The following PYGO1 variants were observed in gnomAD, a reference collection of about 807,000 sequenced individuals.
The protein encoded by PYGO1 is pygopus family PHD finger 1.
PYGO1 carries 6 observed loss-of-function variants against 29.5 expected under a neutral mutation model. The ratio of observed to expected loss-of-function variants is 0.20; its 90% CI spans 0.11 to 0.40. The LOEUF (loss-of-function observed/expected upper bound fraction) is 0.40, where lower values mean the gene tolerates loss of function less well. PYGO1 is among the 10% of genes least tolerant of loss of function. The pLI, the probability that PYGO1 is intolerant of heterozygous loss-of-function variation, is 1.00. For synonymous variants in PYGO1, 186 were observed against 180.5 expected, an observed-to-expected ratio of 1.03 and a Z score of -0.24; for missense variants, 515 against 514.9, an observed-to-expected ratio of 1.00 and a Z score of 0.00.
At chr15:55,579,030 TTGA>T in intron 1 of PYGO1, among the ~76,000 whole-genome samples, 1 of 152,330 alleles carries the variant, frequency 6.6e-6, no homozygotes, top group Admixed American at 6.5e-5. Flanking sequence ...TAATTTTAAT[TTGA>T]TGTTATAATC....
intron 1 of PYGO1, among the ~76,000 whole-genome samples, chr15:55,559,953 T>G (rs1018461113): frequency 6.6e-5 from 10 of 152,186 alleles, no homozygotes; most frequent in Non-Finnish European, 1.5e-5. Context: ...TCTCAGTAGA[T>G]GCAGAACAGG....
chr15:55,564,627 G>C (rs1286945790), intron 1 of PYGO1, among the ~76,000 whole-genome samples: 1 of 152,098 alleles, frequency 6.6e-6, no homozygotes, highest in African/African-American at 2.4e-5. Context: ...TGTCACAAAA[G>C]AGAGAAACAA....
intron 1 of PYGO1, among the ~76,000 whole-genome samples, chr15:55,556,545 C>A (rs149564210): frequency 2.6e-5 from 4 of 151,928 alleles, no homozygotes; most frequent in Admixed American, 1.3e-4. Flanking sequence ...TCAAAAAGCT[C>A]GAAAGATCTC....
rs117073629 is a variant in PYGO1 at position 55,544,310 on chromosome 15, C to G, written c.*1713G>C. ...AAGGTCTAACTTTTATAAAATTCAT[C>G]ATTTGTTAGGCTGTATAAATTGTTA... On this transcript the variant is annotated 3_prime_UTR_variant, in exon 3 of 3. Coordinates refer to ENST00000563719, the MANE Select transcript of PYGO1 (RefSeq NM_001367806.1). The G allele has an allele frequency of 6.6e-6, 1 of 152,146 alleles. No homozygotes were observed. Among genetic ancestry groups the G allele is most frequent in the South Asian group, 2.1e-4 (1 of 4,828 alleles). The allele number at this position is 152,146 out of a possible 1,614,324, so 9.4% of individuals were successfully genotyped here.
chr15:55,564,556 C>G (rs573853898), intron 1 of PYGO1, among the ~76,000 whole-genome samples: 1 of 152,246 alleles, frequency 6.6e-6, no homozygotes, highest in South Asian at 2.1e-4. Flanking sequence ...AGAGGTGGAG[C>G]AGATCTGCAG....
In PYGO1 at chr15:55,546,554, T is replaced by C. The variant is rs2058851814; in HGVS notation, c.729A>G (p.Gln243=). ...TTTGATTAGTGTTTTTGGTTGCTCC[T>C]TGAGTAAAGTCTTGTTTTGGGGGTG... The part of the protein sequence containing the change: ...KAPPPKQDFT[Q]GATKNTNQNS... The change falls in exon 3 of 3, where the codon CAA becomes CAG. Residue 243 remains glutamine (Q), a synonymous_variant. Transcript: ENST00000563719. 1 of 1,614,164 alleles carries C rather than the reference T, an allele frequency of 6.2e-7. No homozygotes were observed. Among genetic ancestry groups the C allele is most frequent in the Non-Finnish European group, 8.5e-7 (1 of 1,180,020 alleles).
rs34019561 is a variant in PYGO1, at chr15:55,562,670, CAA to C, written c.50-13677_50-13676del. On this transcript the variant is annotated intron_variant, in intron 1 of 2. Coordinates refer to ENST00000563719, the MANE Select transcript of PYGO1 (RefSeq NM_001367806.1). ...TGGGTGACAGAGCAAGACTCCAACT[CAA>C]AAAAAAAAAAGAAAAATCCACACAT... 3.7e-3 allele frequency among the ~76,000 whole-genome samples: 550 copies of C among 148,842 alleles called. 3 individuals carry two copies. Among genetic ancestry groups the C allele is most frequent in the Middle Eastern group, 0.017 (5 of 294 alleles).
rs766976749 is a variant in PYGO1 at position 55,544,053 on chromosome 15, T to C, written c.*1970A>G. The stretch of plus-strand genomic sequence containing the variant: ...AAGGAGTACCTAGAAGTATAGTTTA[T>C]ATCATTTTGTTTCCTAAAATTGTAA... On this transcript the variant is annotated 3_prime_UTR_variant, in exon 3 of 3. Transcript: ENST00000563719. 5 of 152,196 alleles carry C rather than the reference T, an allele frequency of 3.3e-5. No homozygotes were observed. Among genetic ancestry groups the C allele is most frequent in the African/African-American group, 4.8e-5 (2 of 41,456 alleles). The allele number at this position is 152,196 out of a possible 1,614,324, so 9.4% of individuals were successfully genotyped here.
chr15:55,556,750 C>A (rs1393447132), intron 1 of PYGO1, among the ~76,000 whole-genome samples: 2 of 150,434 alleles, frequency 1.3e-5, no homozygotes, highest in African/African-American at 4.9e-5. Context: ...AGACTGCTAG[C>A]TAGACTAATA....
intron 1 of PYGO1, among the ~76,000 whole-genome samples, chr15:55,554,027 C>T (rs1419417762): frequency 2.0e-5 from 3 of 152,262 alleles, no homozygotes; most frequent in East Asian, 1.9e-4. Context: ...AAACCCCATC[C>T]AAAGGTCAGC....
intron 1 of PYGO1, among the ~76,000 whole-genome samples, chr15:55,581,249 C>A (rs2059023829): frequency 6.6e-6 from 1 of 152,044 alleles, no homozygotes; most frequent in South Asian, 2.1e-4. Flanking sequence ...AAAAAGAGGG[C>A]ATGTTTAGCA....
chr15:55,567,781 G>A (rs1252765111), intron 1 of PYGO1, among the ~76,000 whole-genome samples: 1 of 152,114 alleles, frequency 6.6e-6, no homozygotes, highest in African/African-American at 2.4e-5. Context: ...TGTACATGGT[G>A]ATAGGTATGG....
intron 1 of PYGO1, among the ~76,000 whole-genome samples, chr15:55,551,870 T>G (rs2058880281): frequency 1.3e-5 from 2 of 152,168 alleles, no homozygotes; most frequent in South Asian, 2.1e-4. Flanking sequence ...CAGCAGAATA[T>G]TCAAAGGATA....
At chr15:55,561,956 G>T (rs2058934623) in intron 1 of PYGO1, among the ~76,000 whole-genome samples, 1 of 151,966 alleles carries the variant, frequency 6.6e-6, no homozygotes, top group Non-Finnish European at 1.5e-5. Context: ...TCTGACAAAG[G>T]TCTAATATCC....
intron 1 of PYGO1, among the ~76,000 whole-genome samples, chr15:55,576,565 G>C (rs1273799318): frequency 1.3e-5 from 2 of 148,752 alleles, no homozygotes; most frequent in Non-Finnish European, 3.0e-5. Context: ...GAGGTCAGGA[G>C]TTTCAGACCA....
At chr15:55,560,827 T>C (rs1320565978) in intron 1 of PYGO1, among the ~76,000 whole-genome samples, 1 of 152,074 alleles carries the variant, frequency 6.6e-6, no homozygotes, top group Non-Finnish European at 1.5e-5. Flanking sequence ...CCAGGCATGG[T>C]GGTACACACC....
chr15:55,547,913 A>G (rs778105903), intron 2 of PYGO1, among the ~76,000 whole-genome samples: 5 of 152,244 alleles, frequency 3.3e-5, no homozygotes, highest in South Asian at 2.1e-4. Flanking sequence ...TAGTTGAACA[A>G]TTATTTCAGG....
intron 1 of PYGO1, among the ~76,000 whole-genome samples, chr15:55,552,981 T>C (rs2058886334): frequency 6.6e-6 from 1 of 152,212 alleles, no homozygotes; most frequent in Non-Finnish European, 1.5e-5. Flanking sequence ...GACTGGAGAC[T>C]GGCTGAGACA....
chr15:55,587,817 G>A lies in PYGO1; in HGVS notation c.49+18C>T. The A allele has an allele frequency of 6.7e-7, 1 of 1,484,742 alleles. No homozygotes were observed. The highest frequency in any genetic ancestry group is 8.9e-7 in the Non-Finnish European group (1 of 1,119,390). The allele number at this position is 1,484,742 out of a possible 1,614,324, so 92.0% of individuals were successfully genotyped here. A position where few individuals can be genotyped will look rare whatever the true frequency, so the allele number is the denominator to read the frequency against. On this transcript the variant is annotated intron_variant, in intron 1 of 2. Transcript: ENST00000563719. ...TCACTCACCCCGGTTCCCCCAATCC[G>A]GCACCCTTCTCGGTTACCTCGAACT...
Sources: allele counts gnomAD v4.1 joint callset (sites outside exome capture counted in the v4.1 genomes callset), GRCh38; gene constraint gnomAD v4.1.1; transcripts MANE v1.5; gene names NCBI Gene and HGNC (gene_info 2026-07-23, HGNC 2026-07-21).